The following SAMD3 variants were observed in gnomAD, a reference collection of about 807,000 sequenced individuals.
SAMD3 encodes sterile alpha motif domain containing 3.
Under a neutral mutation model 58.5 loss-of-function variants are expected in SAMD3, and 63 were observed. That is an observed-to-expected ratio of 1.08 (90% CI 0.88 to 1.33). The LOEUF (loss-of-function observed/expected upper bound fraction) is 1.33, where lower values mean the gene tolerates loss of function less well. Among genes scored for constraint, SAMD3 ranks in the 40% most tolerant of loss-of-function variants. The probability of loss-of-function intolerance (pLI) is 0.00; values close to 1 mark genes in which losing one functional copy is unlikely to be tolerated. For missense variants in SAMD3, 604 were observed against 608.4 expected (o/e 0.99, Z 0.08); for synonymous variants, 220 against 210.3 (o/e 1.05, Z -0.40).
intron 1 of SAMD3, among the ~76,000 whole-genome samples, chr6:130,342,369 T>C (rs1161426802): frequency 6.6e-6 from 1 of 152,214 alleles, no homozygotes; most frequent in Admixed American, 6.5e-5. Context: ...GGAAAATTAA[T>C]GTGAAAATAT....
At chr6:130,340,936 G>A (rs868292710) in intron 1 of SAMD3, among the ~76,000 whole-genome samples, 1 of 152,166 alleles carries the variant, frequency 6.6e-6, no homozygotes, top group Non-Finnish European at 1.5e-5. Context: ...GATGCAGTCA[G>A]GCCTCAGTTG....
intron 2 of SAMD3, 122 bp from the exon 3 acceptor site, chr6:130,215,416 T>A (rs545851997): frequency 1.2e-4 from 147 of 1,238,754 alleles, no homozygotes; most frequent in African/African-American, 2.9e-4. Flanking sequence ...TAAGCTTTTT[T>A]AAAATTACTA....
chr6:130,279,630 A>G (rs7748765), intron 2 of SAMD3, among the ~76,000 whole-genome samples: 74,409 of 151,542 alleles, frequency 0.49, 22,149 homozygotes, highest in African/African-American at 0.84. Flanking sequence ...GATTACAGGC[A>G]CCTGCCAGCA....
rs748613644 is a variant in SAMD3, at chr6:130,175,836, C to A, written c.822+5G>T. On this transcript the variant is annotated splice_donor_5th_base_variant and intron_variant, in intron 8 of 11. Transcript: ENST00000439090. The stretch of plus-strand genomic sequence containing the variant: ...TCATCAGAACATTTAGGAATTCAAT[C>A]TTACTTTTATCTGGACAAGTTTAAT... 1 of 1,594,536 alleles carries A rather than the reference C, an allele frequency of 6.3e-7. No individual in the cohort carries two copies. The highest frequency in any genetic ancestry group is 1.1e-5 in the South Asian group (1 of 89,940).
At chr6:130,288,732 G>C (rs377663711) in intron 2 of SAMD3, among the ~76,000 whole-genome samples, 1 of 152,200 alleles carries the variant, frequency 6.6e-6, no homozygotes, top group African/African-American at 2.4e-5. Context: ...ATGGTTTAAA[G>C]ATAGTGATAG....
At chr6:130,286,702 A>G (rs955590330) in intron 2 of SAMD3, among the ~76,000 whole-genome samples, 1 of 152,032 alleles carries the variant, frequency 6.6e-6, no homozygotes, top group Non-Finnish European at 1.5e-5. Flanking sequence ...TTATCCCTAG[A>G]GAAGCTCATT....
At chr6:130,239,264 GGT>G (rs1204285050) in intron 2 of SAMD3, among the ~76,000 whole-genome samples, 1 of 152,156 alleles carries the variant, frequency 6.6e-6, no homozygotes, top group Non-Finnish European at 1.5e-5. Context: ...ATTGTGAAAT[GGT>G]GTGGGGTGTA....
intron 1 of SAMD3, among the ~76,000 whole-genome samples, chr6:130,340,411 C>A (rs1003862989): frequency 3.9e-5 from 6 of 152,146 alleles, no homozygotes; most frequent in African/African-American, 1.4e-4. Flanking sequence ...AGCTCTTTTG[C>A]TTATAAGGAT....
chr6:130,239,839 C>T (rs1773293912), intron 2 of SAMD3, among the ~76,000 whole-genome samples: 1 of 152,134 alleles, frequency 6.6e-6, no homozygotes, highest in Admixed American at 6.5e-5. Context: ...GAAAAATGTG[C>T]CAAGCCACCT....
At chr6:130,255,853 G>A (rs932822607) in intron 2 of SAMD3, among the ~76,000 whole-genome samples, 1 of 144,902 alleles carries the variant, frequency 6.9e-6, no homozygotes, top group African/African-American at 2.6e-5. Context: ...GTTGGGTCTT[G>A]TCTTTTTTTT....
chr6:130,182,860 T>C (rs1423315910), intron 7 of SAMD3: 1 of 152,480 alleles, frequency 6.6e-6, no homozygotes, highest in Non-Finnish European at 1.5e-5. Context: ...CTATCTTCTT[T>C]AGATATGCCT....
chr6:130,210,646 C>T (rs1011410692), intron 4 of SAMD3, among the ~76,000 whole-genome samples: 5 of 151,470 alleles, frequency 3.3e-5, no homozygotes, highest in Admixed American at 2.0e-4. Context: ...AATTCTAAGG[C>T]CCCCAACCAT....
rs536285413 is a variant in SAMD3, at chr6:130,339,444, C to T, written c.-304+25676G>A. Among the ~76,000 whole-genome samples, 4 of 152,220 alleles carry T rather than the reference C, an allele frequency of 2.6e-5. No individual in the cohort carries two copies. In the East Asian group the frequency reaches 7.7e-4, roughly 29 times the overall value. On this transcript the variant is annotated intron_variant, in intron 1 of 13. Coordinates refer to the SAMD3 transcript ENST00000368134. ...GATCATAGGGGTGGGTTCCTCCATG[C>T]TGTTCTTGTGATAGTGAGTGAGTTC...
intron 2 of SAMD3, among the ~76,000 whole-genome samples, chr6:130,248,534 C>T (rs1489603914): frequency 6.6e-6 from 1 of 152,138 alleles, no homozygotes; most frequent in African/African-American, 2.4e-5. Flanking sequence ...AATAGAAGTG[C>T]ACTGCTTGTT....
chr6:130,297,688 C>T (rs943127312), intron 2 of SAMD3, among the ~76,000 whole-genome samples: 1 of 151,964 alleles, frequency 6.6e-6, no homozygotes, highest in Non-Finnish European at 1.5e-5. Flanking sequence ...TAAGAAAAAA[C>T]CAAATAGAAC....
At chr6:130,227,727 G>A (rs140331031), upstream of SAMD3, among the ~76,000 whole-genome samples, 1 of 151,280 alleles carries the variant, frequency 6.6e-6, no homozygotes, top group African/African-American at 2.4e-5. Context: ...GGCAGAGGTT[G>A]CAGTGAGCCA....
intron 1 of SAMD3, among the ~76,000 whole-genome samples, chr6:130,342,156 A>AG (rs1467566561): frequency 1.3e-5 from 2 of 152,222 alleles, no homozygotes; most frequent in Non-Finnish European, 2.9e-5. Context: ...TTCTGGAATA[A>AG]GGGGCCATAG....
At chr6:130,225,620 A>T (rs1161925894), upstream of SAMD3, among the ~76,000 whole-genome samples, 1 of 152,252 alleles carries the variant, frequency 6.6e-6, no homozygotes, top group Non-Finnish European at 1.5e-5. Context: ...AAATCCTTAC[A>T]TTCCAATCTT....
chr6:130,352,974 G>A (rs1011660500), intron 1 of SAMD3, among the ~76,000 whole-genome samples: 13 of 152,028 alleles, frequency 8.6e-5, no homozygotes, highest in South Asian at 2.1e-4. Context: ...TGTTTCTATC[G>A]GCAAAAAGCA....
Sources: allele counts gnomAD v4.1 joint callset (sites outside exome capture counted in the v4.1 genomes callset), GRCh38; gene constraint gnomAD v4.1.1; transcripts MANE v1.5; gene names NCBI Gene and HGNC (gene_info 2026-07-23, HGNC 2026-07-21).